RALYL: variants seen among roughly 807,000 people sequenced by gnomAD.
The protein encoded by RALYL is RALY RNA binding protein like, also known as RNA-binding Raly-like protein.
RALYL carries 29 observed loss-of-function variants against 35.1 expected under a neutral mutation model. The observed-to-expected ratio is 0.83, with a 90% CI of 0.61 to 1.13. RALYL has a LOEUF of 1.13. Ranked by LOEUF, RALYL falls within the 50% of genes most tolerant of loss-of-function variation. The probability of loss-of-function intolerance (pLI) is 0.00; values close to 1 mark genes in which losing one functional copy is unlikely to be tolerated. For missense variants in RALYL, 359 were observed against 360.4 expected (o/e 1.00, Z 0.03); for synonymous variants, 120 against 127.6 (o/e 0.94, Z 0.40).
chr8:84,633,684 T>A (rs1824422126), intron 2 of RALYL, among the ~76,000 whole-genome samples: 1 of 151,818 alleles, frequency 6.6e-6, no homozygotes, highest in Non-Finnish European at 1.5e-5. Context: ...ATTTGGGAAA[T>A]GAGGACCAAA....
intron 1 of RALYL, among the ~76,000 whole-genome samples, chr8:84,324,177 G>T (rs1197897151): frequency 3.9e-5 from 6 of 152,056 alleles, no homozygotes; most frequent in Non-Finnish European, 8.8e-5. Context: ...TTCAGAACGT[G>T]TGGTTTGAGC....
chr8:84,533,615 A>G (rs2059410791), intron 2 of RALYL, among the ~76,000 whole-genome samples: 1 of 152,198 alleles, frequency 6.6e-6, no homozygotes, highest in African/African-American at 2.4e-5. Context: ...TAGAGCAATC[A>G]TTTTTGTTCT....
At chr8:84,469,938 C>A (rs951233465) in intron 1 of RALYL, among the ~76,000 whole-genome samples, 3 of 152,192 alleles carry the variant, frequency 2.0e-5, no homozygotes, top group Non-Finnish European at 2.9e-5. Context: ...TTGACTCAGA[C>A]AGGGAACTCC....
chr8:84,433,011 T>A (rs73306343), intron 1 of RALYL, among the ~76,000 whole-genome samples: 5,106 of 152,180 alleles, frequency 0.034, 288 homozygotes, highest in African/African-American at 0.12. Flanking sequence ...AATAGATATT[T>A]TAAGAAATAT....
chr8:84,458,225 C>G (rs995511147), intron 1 of RALYL, among the ~76,000 whole-genome samples: 27 of 151,736 alleles, frequency 1.8e-4, no homozygotes, highest in African/African-American at 6.3e-4. Context: ...TGATGGTTTG[C>G]TATTTAAATA....
intron 1 of RALYL, among the ~76,000 whole-genome samples, chr8:84,227,385 T>C (rs1156399801): frequency 6.6e-6 from 1 of 152,102 alleles, no homozygotes; most frequent in Non-Finnish European, 1.5e-5. Context: ...TTAAAAAGGC[T>C]CTAATAAAAA....
intron 1 of RALYL, among the ~76,000 whole-genome samples, chr8:84,246,129 C>G (rs562841847): frequency 6.6e-6 from 1 of 152,060 alleles, no homozygotes; most frequent in South Asian, 2.1e-4. Flanking sequence ...CATGTGTACC[C>G]CCAAGAGGTA....
chr8:84,437,882 T>G (rs1563930942), intron 1 of RALYL, among the ~76,000 whole-genome samples: 1 of 152,100 alleles, frequency 6.6e-6, no homozygotes, highest in African/African-American at 2.4e-5. Context: ...GAGGCCTCCC[T>G]AGAAACCAAG....
At chr8:84,425,953 A>T (rs1262187127) in intron 1 of RALYL, among the ~76,000 whole-genome samples, 2 of 152,094 alleles carry the variant, frequency 1.3e-5, no homozygotes, top group Non-Finnish European at 2.9e-5. Context: ...TAAAGAGTAT[A>T]TATATTATCT....
At chr8:84,368,695 T>C (rs2131383130) in intron 1 of RALYL, among the ~76,000 whole-genome samples, 2 of 152,248 alleles carry the variant, frequency 1.3e-5, no homozygotes, top group South Asian at 2.1e-4. Context: ...GACTTATTCA[T>C]TATCATGAGA....
intron 2 of RALYL, among the ~76,000 whole-genome samples, chr8:84,702,003 A>T (rs1009722360): frequency 3.3e-5 from 5 of 152,066 alleles, no homozygotes; most frequent in African/African-American, 9.7e-5. Context: ...TTCAGACATA[A>T]CCTCTTAGCT....
intron 8 of RALYL, among the ~76,000 whole-genome samples, chr8:84,910,325 T>G (rs1847289454): frequency 1.3e-5 from 2 of 152,088 alleles, no homozygotes; most frequent in Admixed American, 1.3e-4. Context: ...CAGAGAAAGA[T>G]CTACTTCTTC....
chr8:84,811,155 G>T (rs1825822498), intron 4 of RALYL, among the ~76,000 whole-genome samples: 1 of 151,920 alleles, frequency 6.6e-6, no homozygotes, highest in Non-Finnish European at 1.5e-5. Context: ...TGCGTTTCCA[G>T]GATTTGTTTC....
intron 8 of RALYL, among the ~76,000 whole-genome samples, chr8:84,888,005 A>G (rs1207574695): frequency 3.3e-5 from 5 of 152,262 alleles, no homozygotes; most frequent in Admixed American, 2.6e-4. Context: ...ATCATGTAAG[A>G]GATTAGGTAT....
At chr8:84,250,613 A>C (rs190769369) in intron 1 of RALYL, among the ~76,000 whole-genome samples, 64 of 152,300 alleles carry the variant, frequency 4.2e-4, no homozygotes, top group Non-Finnish European at 1.5e-4. Context: ...GTATAGAATT[A>C]TGTGAATTTT....
chr8:84,817,445 TTC>T (rs1239740002), intron 4 of RALYL, among the ~76,000 whole-genome samples: 2 of 151,890 alleles, frequency 1.3e-5, no homozygotes, highest in African/African-American at 4.8e-5. Flanking sequence ...CTGAATCCTA[TTC>T]TGTCACTTCC....
At chr8:84,458,257 A>G (rs968131569) in intron 1 of RALYL, among the ~76,000 whole-genome samples, 1 of 151,882 alleles carries the variant, frequency 6.6e-6, no homozygotes. Context: ...GTCAAAGATG[A>G]TAAATGTGTA....
chr8:84,749,061 C>A (rs772916138), intron 2 of RALYL, among the ~76,000 whole-genome samples: 3 of 151,972 alleles, frequency 2.0e-5, no homozygotes, highest in Non-Finnish European at 4.4e-5. Context: ...ATTAAGTTAA[C>A]CTCTCTGTTG....
intron 1 of RALYL, among the ~76,000 whole-genome samples, chr8:84,307,514 A>T (rs1008111528): frequency 6.6e-6 from 1 of 152,326 alleles, no homozygotes; most frequent in South Asian, 2.1e-4. Flanking sequence ...GTATATTTTA[A>T]ATTATTTCAT....
Sources: gnomAD v4.1 joint callset for allele counts (sites outside exome capture counted in the v4.1 genomes callset) on GRCh38, gnomAD v4.1.1 for gene constraint, MANE v1.5 for transcripts, NCBI Gene and HGNC (gene_info 2026-07-23, HGNC 2026-07-21) for gene names.